Variants in CSMD3 observed in about 807,000 individuals in gnomAD.
CSMD3 encodes the protein CUB and sushi domain-containing protein 3.
In CSMD3, 177 loss-of-function variants were observed where a neutral mutation model predicts 435.2. The observed-to-expected ratio is 0.41, with a 90% confidence interval of 0.36 to 0.46. The LOEUF (loss-of-function observed/expected upper bound fraction) is 0.46. CSMD3 is among the 20% of genes least tolerant of loss of function. The pLI is 0.34. For missense variants in CSMD3, 4,265 were observed against 4,504.6 expected (o/e 0.95, Z 1.52); for synonymous variants, 1,656 against 1,520.5 (o/e 1.09, Z -2.07).
chr8:112,999,373 C>A (rs533065597), intron 6 of CSMD3, among the ~76,000 whole-genome samples: 2 of 151,900 alleles, frequency 1.3e-5, no homozygotes, highest in African/African-American at 4.8e-5. Flanking sequence ...AATGCAAAAA[C>A]CCTATGACAG....
chr8:113,125,829 A>T (rs2091109662), intron 4 of CSMD3, among the ~76,000 whole-genome samples: 1 of 151,908 alleles, frequency 6.6e-6, no homozygotes, highest in African/African-American at 2.4e-5. Flanking sequence ...AGGAGAGGAA[A>T]AGGAGTTATG....
intron 7 of CSMD3, among the ~76,000 whole-genome samples, chr8:112,962,810 A>C (rs2084280082): frequency 6.6e-6 from 1 of 151,852 alleles, no homozygotes; most frequent in Admixed American, 6.6e-5. Context: ...CATTCTCCCT[A>C]TTCTCCTCCT....
At chr8:112,838,688 A>G (rs911782134) in intron 11 of CSMD3, among the ~76,000 whole-genome samples, 1 of 151,842 alleles carries the variant, frequency 6.6e-6, no homozygotes, top group African/African-American at 2.4e-5. Flanking sequence ...AGAGCAAAAT[A>G]TGGAGTACCT....
At position 112,650,117 on chromosome 8, in the gene CSMD3, C is replaced by T. The variant is rs780062862; in HGVS notation, c.3193+44G>A. On this transcript the variant is annotated intron_variant, in intron 19 of 70. Coordinates refer to ENST00000297405, the MANE Select transcript of CSMD3 (RefSeq NM_198123.2). The stretch of plus-strand genomic sequence containing the variant: ...CATATAAAAAACTACATTGATTTTT[C>T]TGTTTATAAATCAGCATATTTTGCA... 3.7e-6 allele frequency: 5 copies of T among 1,349,724 alleles called. No individual in the cohort carries two copies. The South Asian group carries it at 5.9e-5, about 16-fold the overall frequency. 83.6% of individuals were successfully genotyped at this position (1,349,724 alleles called of 1,614,324 possible).
chr8:113,280,798 T>C (rs1312179134), intron 2 of CSMD3, among the ~76,000 whole-genome samples: 2 of 151,938 alleles, frequency 1.3e-5, no homozygotes, highest in South Asian at 4.1e-4. Flanking sequence ...CTTATGGCTA[T>C]GAACTTTCCT....
chr8:113,162,453 T>C (rs1450990419), intron 4 of CSMD3, among the ~76,000 whole-genome samples: 1 of 151,246 alleles, frequency 6.6e-6, no homozygotes, highest in Non-Finnish European at 1.5e-5. Context: ...TAATCCCAGC[T>C]ACTTGTGAGG....
chr8:113,136,332 T>G, intron 4 of CSMD3, among the ~76,000 whole-genome samples: 1 of 151,840 alleles, frequency 6.6e-6, no homozygotes, highest in East Asian at 1.9e-4. Flanking sequence ...AAGAGAATTT[T>G]TAGCTACTAT....
chr8:113,214,270 T>C (rs79053819), intron 3 of CSMD3, among the ~76,000 whole-genome samples: 91 of 152,118 alleles, frequency 6.0e-4, no homozygotes, highest in African/African-American at 2.2e-3. Context: ...ATTTATGAGG[T>C]GCATGTGAAG....
At chr8:113,286,903 AG>A (rs1164858312) in intron 2 of CSMD3, among the ~76,000 whole-genome samples, 2 of 151,910 alleles carry the variant, frequency 1.3e-5, no homozygotes, top group Non-Finnish European at 2.9e-5. Flanking sequence ...AAAGGGAAGC[AG>A]GAGGAAAGGA....
At position 112,438,669 on chromosome 8, in the gene CSMD3, T is replaced by C. The variant is rs187348326; in HGVS notation, c.5396-29637A>G. ...TCTACCATATAAATCAAAGAGAACC[T>C]CTAATTTTCTCTAGACAATGTTAAA... is the stretch of plus-strand genomic sequence containing the variant. On this transcript the variant is annotated intron_variant, in intron 32 of 70. Coordinates refer to ENST00000297405, the MANE Select transcript of CSMD3 (RefSeq NM_198123.2). Among the ~76,000 whole-genome samples the C allele has an allele frequency of 5.3e-3, 814 of 152,166 alleles. 5 individuals are homozygous for C. The highest frequency in any genetic ancestry group is 8.9e-3 in the Non-Finnish European group (602 of 67,974).
At chr8:113,381,361 G>C (rs1474228943) in intron 1 of CSMD3, among the ~76,000 whole-genome samples, 1 of 152,112 alleles carries the variant, frequency 6.6e-6, no homozygotes, top group East Asian at 1.9e-4. Context: ...AGCAGAAACA[G>C]ATCTAGGTTT....
At chr8:112,404,105 T>C (rs1464260236) in intron 35 of CSMD3, among the ~76,000 whole-genome samples, 1 of 152,172 alleles carries the variant, frequency 6.6e-6, no homozygotes, top group East Asian at 1.9e-4. Context: ...AGAAATCAAA[T>C]GACCAACCAT....
chr8:112,234,570 A>G, intron 67 of CSMD3, 93 bp from the exon 68 acceptor site: 1 of 779,136 alleles, frequency 1.3e-6, no homozygotes, highest in Non-Finnish European at 2.2e-6. Context: ...ATTATGTAAG[A>G]TATGTAATTA....
chr8:112,292,493 T>C (rs760648374), intron 55 of CSMD3, 44 bp downstream of exon 55: 1 of 1,590,426 alleles, frequency 6.3e-7, no homozygotes, highest in Non-Finnish European at 8.6e-7. Flanking sequence ...TTTATGTGAA[T>C]ATTATTATCA....
At chr8:112,715,780 C>T (rs140952734) in intron 13 of CSMD3, among the ~76,000 whole-genome samples, 6 of 152,214 alleles carry the variant, frequency 3.9e-5, no homozygotes, top group East Asian at 1.9e-4. Flanking sequence ...ATACACAAAC[C>T]GGCAGATGTA....
At chr8:113,211,518 T>A (rs1456685369) in intron 3 of CSMD3, among the ~76,000 whole-genome samples, 1 of 152,036 alleles carries the variant, frequency 6.6e-6, no homozygotes, top group Non-Finnish European at 1.5e-5. Context: ...GGTGAAACCC[T>A]GTCTATTCTA....
At chr8:112,790,931 G>C (rs994373854) in intron 13 of CSMD3, among the ~76,000 whole-genome samples, 107 of 152,192 alleles carry the variant, frequency 7.0e-4, no homozygotes, top group Middle Eastern at 3.4e-3. Context: ...CAGATTCATT[G>C]AGATATGATG....
chr8:113,280,813 G>A (rs1234042687), intron 2 of CSMD3, among the ~76,000 whole-genome samples: 2 of 151,738 alleles, frequency 1.3e-5, no homozygotes, highest in Non-Finnish European at 2.9e-5. Flanking sequence ...TTTCCTCTTA[G>A]CAATGCCTTT....
At chr8:112,426,047 C>T (rs754556523) in intron 32 of CSMD3, among the ~76,000 whole-genome samples, 2 of 152,194 alleles carry the variant, frequency 1.3e-5, no homozygotes, top group Admixed American at 6.5e-5. Context: ...CTTACAATTA[C>T]TGTTCCATCA....
Sources: allele counts gnomAD v4.1 joint callset (sites outside exome capture counted in the v4.1 genomes callset), GRCh38; gene constraint gnomAD v4.1.1; transcripts MANE v1.5; gene names NCBI Gene and HGNC (gene_info 2026-07-23, HGNC 2026-07-21).